Variants in AGRN observed in about 807,000 individuals in gnomAD.
AGRN encodes agrin proteoglycan.
In AGRN, 106 loss-of-function variants were observed where a neutral mutation model predicts 211.0. That is an observed-to-expected ratio of 0.50 (90% CI 0.43 to 0.59). The LOEUF (loss-of-function observed/expected upper bound fraction) is 0.59, where lower values mean the gene tolerates loss of function less well. Among genes scored for constraint, AGRN ranks in the 20% least tolerant of loss-of-function variants. AGRN has a pLI of 0.00. For synonymous variants in AGRN, 1,525 were observed against 1,332.5 expected, an observed-to-expected ratio of 1.14 and a Z score of -3.15; for missense variants, 3,040 against 2,982.6, an observed-to-expected ratio of 1.02 and a Z score of -0.45.
Position 1,051,554 on chromosome 1 carries a change from C to G in AGRN, c.5472C>G (p.His1824Gln). The G allele has an allele frequency of 6.3e-7, 1 of 1,580,644 alleles. No individual in the cohort carries two copies. The highest frequency in any genetic ancestry group is 8.6e-7 in the Non-Finnish European group (1 of 1,162,598). The change falls in exon 32 of 36, where the codon CAC becomes CAG. Residue 1824 changes from histidine (H) to glutamine (Q), a missense_variant. This residue lies in a region of AGRN where 1,537 missense variants were observed against 1,505.0 expected (regional missense o/e 1.02). Coordinates refer to ENST00000379370, the MANE Select transcript of AGRN (RefSeq NM_198576.4). ...AGHPCTRASG[H>Q]PCLNGASCVP... is the part of the protein sequence containing the mutation. ...ACCCCTGCACCCGGGCCTCAGGCCA[C>G]CCCTGCCTCAATGGGGCCTCCTGCG...
rs1327018383 is a variant in AGRN, at chr1:1,048,767, C to G, written c.4106-100C>G. On this transcript the variant is annotated intron_variant, in intron 23 of 35. Coordinates refer to ENST00000379370, the MANE Select transcript of AGRN (RefSeq NM_198576.4). The surrounding 1 kb of genome is among the most constrained non-coding windows in gnomAD (Gnocchi z 5.9). ...GGGCAAAAAGAGCAAAACTCCGTCT[C>G]AAAAAAAAAAAAAAAAAAAAAAGCA... is the stretch of plus-strand genomic sequence containing the variant. 1 of 1,075,966 alleles carries G rather than the reference C, an allele frequency of 9.3e-7. No individual in the cohort carries two copies. Among genetic ancestry groups the G allele is most frequent in the Non-Finnish European group, 1.2e-6 (1 of 814,054 alleles). 66.7% of individuals were successfully genotyped at this position (1,075,966 alleles called of 1,614,324 possible).
chr1:1,044,982 T>A (rs939285893), intron 12 of AGRN, among the ~76,000 whole-genome samples, 179 bp from the exon 13 acceptor site: 19 of 152,320 alleles, frequency 1.2e-4, no homozygotes, highest in Admixed American at 9.8e-4. Context: ...ACAGACATGT[T>A]CTTGCGTAAG....
intron 2 of AGRN, among the ~76,000 whole-genome samples, chr1:1,022,725 C>T (rs1644436582): frequency 1.3e-5 from 2 of 152,270 alleles, no homozygotes; most frequent in Non-Finnish European, 2.9e-5. Flanking sequence ...GCCTCCTCCC[C>T]TCCTCCCAGC....
At chr1:1,042,282 C>A in intron 7 of AGRN, 120 bp downstream of exon 7, 10 of 1,279,290 alleles carry the variant, frequency 7.8e-6, no homozygotes, top group Non-Finnish European at 1.1e-5. Context: ...GTGGGCCGGT[C>A]CCTCTGGGAA....
At chr1:1,027,020 C>T (rs1007653284) in intron 2 of AGRN, among the ~76,000 whole-genome samples, 4 of 152,142 alleles carry the variant, frequency 2.6e-5, no homozygotes, top group South Asian at 2.1e-4. Context: ...GAAGCCCCCC[C>T]GAAGGGGCCT....
chr1:1,044,475 G>A (rs760920802), intron 12 of AGRN, 36 bp downstream of exon 12: 10 of 1,572,838 alleles, frequency 6.4e-6, no homozygotes, highest in Non-Finnish European at 7.8e-6. Flanking sequence ...AGGCACAGGC[G>A]GGGCGGCGTC....
At position 1,043,644 on chromosome 1, in the gene AGRN, C is replaced by T. The variant is rs758511854; in HGVS notation, c.1710C>T (p.Asp570=). The part of the protein sequence containing the change: ...VALAQPVCGS[D]GHTYPSECML... The stretch of plus-strand genomic sequence containing the variant: ...TGGCCCAGCCCGTGTGTGGCTCCGA[C>T]GGGCACACGTACCCCAGCGAGTGCA... Residue 570 remains aspartate, a synonymous_variant, in exon 9 of 36, where the codon GAC becomes GAT. Coordinates refer to ENST00000379370, the MANE Select transcript of AGRN (RefSeq NM_198576.4). 40 of 1,602,156 alleles carry T rather than the reference C, an allele frequency of 2.5e-5. No homozygotes were observed. The highest frequency in any genetic ancestry group is 1.1e-4 in the African/African-American group (8 of 74,908).
Position 1,022,308 on chromosome 1 carries a change from T to C in AGRN, c.309T>C (p.Cys103=). 6.2e-7 allele frequency: 1 copy of C among 1,613,362 alleles called. No homozygotes were observed. ...GCGGCTTTGGAGACCCCCTCATCTGTGACAACCAGGTGTCCACTGGGGACA... is the reference window on the plus strand; with the variant it reads ...GCGGCTTTGGAGACCCCCTCATCTGCGACAACCAGGTGTCCACTGGGGACA... ...VISGFGDPLI[C]DNQVSTGDTR... The change falls in exon 2 of 36, where the codon TGT becomes TGC. Residue 103 remains cysteine (C), a synonymous_variant. Transcript: ENST00000379370.
At chr1:1,020,941 G>A (rs1644388279) in intron 1 of AGRN, among the ~76,000 whole-genome samples, 1 of 151,508 alleles carries the variant, frequency 6.6e-6, no homozygotes, top group Non-Finnish European at 1.5e-5. Context: ...GCGCTCCTGC[G>A]GGAACCGGGG....
intron 2 of AGRN, among the ~76,000 whole-genome samples, chr1:1,026,420 G>T (rs1644522345): frequency 6.6e-6 from 1 of 152,180 alleles, no homozygotes; most frequent in African/African-American, 2.4e-5. Flanking sequence ...AGGGAAGGGG[G>T]TGCCCGTGCC....
rs201563402 is a variant in AGRN, at chr1:1,047,364, C to T, written c.3426C>T (p.Gly1142=). 80 of 1,609,426 alleles carry T rather than the reference C, an allele frequency of 5.0e-5. 1 individual carries two copies. Among genetic ancestry groups the T allele is most frequent in the South Asian group, 4.0e-4 (36 of 90,652 alleles). Residue 1142 remains glycine (G), a synonymous_variant, in exon 20 of 36, where the codon GGC becomes GGT. Transcript: ENST00000379370. ...KVFQGVLELE[G]VEGQELFYTP... Reference sequence around the variant, plus strand: ...TCCAGGGCGTCCTGGAGCTGGAGGGCGTCGAGGGCCAGGAGCTGTTCTACA... The same window carrying T: ...TCCAGGGCGTCCTGGAGCTGGAGGGTGTCGAGGGCCAGGAGCTGTTCTACA...
rs1460660720 is a variant in AGRN, at chr1:1,020,244, G to T, written c.72G>T (p.Leu24=). 1.0e-5 allele frequency: 15 copies of T among 1,453,308 alleles called. No individual in the cohort carries two copies. The highest frequency in any genetic ancestry group is 1.4e-5 in the Non-Finnish European group (15 of 1,103,058). The allele number at this position is 1,453,308 out of a possible 1,614,324, so 90.0% of individuals were successfully genotyped here. A position where few individuals can be genotyped will look rare whatever the true frequency, so the allele number is the denominator to read the frequency against. ...LPLLVVAACV[L]PGAGGTCPER... ...TCCTTGTGGTGGCCGCGTGCGTCCT[G>T]CCCGGAGCCGGCGGGACATGCCCGG... Residue 24 remains leucine (L), a synonymous_variant, in exon 1 of 36, where the codon CTG becomes CTT. Transcript: ENST00000379370.
Position 1,051,745 on chromosome 1 carries a change from G to C in AGRN, c.5581G>C (p.Ala1861Pro), listed in dbSNP as rs756386145. 1 of 1,613,894 alleles carries C rather than the reference G, an allele frequency of 6.2e-7. No homozygotes were observed. Among genetic ancestry groups the C allele is most frequent in the Admixed American group, 1.7e-5 (1 of 60,032 alleles). ...HCEKGLVEKS[A>P]GDVDTLAFDG... The stretch of plus-strand genomic sequence containing the variant: ...TCTCACAGGGCTGGTGGAGAAGTCA[G>C]CGGGGGACGTGGATACCTTGGCCTT... The change falls in exon 33 of 36, where the codon GCG becomes CCG. Residue 1861 changes from alanine (A) to proline (P), a missense_variant. Ala to Pro is a conservative substitution (Grantham distance 27, BLOSUM62 -1). Transcript: ENST00000379370.
In AGRN at chr1:1,041,666, C is replaced by G; in HGVS notation, c.1141C>G (p.Leu381Val). Reference sequence around the variant, plus strand: ...ATCGGGGGCCGCCCGGGGTCTCCTCCTGCAGAAAGTGCGCTCCGGCCAGTG... The same window carrying G: ...ATCGGGGGCCGCCCGGGGTCTCCTCGTGCAGAAAGTGCGCTCCGGCCAGTG... ...GRSGAARGLL[L>V]QKVRSGQCQG... Residue 381 changes from leucine to valine, a missense_variant, in exon 6 of 36, where the codon CTG becomes GTG. Coordinates refer to ENST00000379370, the MANE Select transcript of AGRN (RefSeq NM_198576.4). The G allele has an allele frequency of 6.2e-7, 1 of 1,611,134 alleles. No individual in the cohort carries two copies. Among genetic ancestry groups the G allele is most frequent in the Non-Finnish European group, 8.5e-7 (1 of 1,179,194 alleles).
chr1:1,054,920 C>G lies in AGRN; in HGVS notation c.6077C>G (p.Pro2026Arg). 1 of 1,548,736 alleles carries G rather than the reference C, an allele frequency of 6.5e-7. No homozygotes were observed. The highest frequency in any genetic ancestry group is 8.7e-7 in the Non-Finnish European group (1 of 1,147,176). ...CLRDVVVGRH[P>R]LHLLEDAVTK... is the part of the protein sequence containing the mutation. ...CGGGACGTGGTGGTGGGCCGGCACC[C>G]GCTGCACCTGCTGGAGGACGCCGTC... The change falls in exon 36 of 36, where the codon CCG (proline) becomes CGG (arginine). Residue 2026 changes from proline (P) to arginine (R), a missense_variant. Pro to Arg is a moderately radical substitution (Grantham distance 103, BLOSUM62 -2). This residue lies in a region of AGRN where 1,537 missense variants were observed against 1,505.0 expected (regional missense o/e 1.02). Coordinates refer to ENST00000379370, the MANE Select transcript of AGRN (RefSeq NM_198576.4).
At position 1,053,825 on chromosome 1, in the gene AGRN, G is replaced by A. The variant is rs1296363945; in HGVS notation, c.5724G>A (p.Trp1908Ter). 1.2e-6 allele frequency: 2 copies of A among 1,610,934 alleles called. No homozygotes were observed. The highest frequency in any genetic ancestry group is 1.7e-5 in the Admixed American group (1 of 59,698). ...AGGCCACGCAGGGGCTGGTGCTCTG[G>A]AGTGGCAAGGCCACGGAGCGGGCAG... Reference protein sequence around the residue: ...RTEATQGLVLWSGKATERADY... With the variant: ...RTEATQGLVL The change falls in exon 34 of 36, where the codon TGG becomes TGA. Residue 1908 changes from tryptophan (W) to a stop codon, truncating the protein, a stop_gained. Transcript: ENST00000379370. LOFTEE classifies it high-confidence loss of function.
rs892593064 is a variant in AGRN at position 1,048,660 on chromosome 1, G to A, written c.4106-207G>A. On this transcript the variant is annotated intron_variant, in intron 23 of 35. Transcript: ENST00000379370. The surrounding 1 kb of genome is among the most constrained non-coding windows in gnomAD (Gnocchi z 5.9). The stretch of plus-strand genomic sequence containing the variant: ...TGGTGGGCGCCTGTAATCCCACCTC[G>A]TGAGGCTGAGGCAGGAGAATCGCTT... 24 of 651,302 alleles carry A rather than the reference G, an allele frequency of 3.7e-5. No homozygotes were observed. The highest frequency in any genetic ancestry group is 2.1e-4 in the African/African-American group (11 of 53,116). The allele number at this position is 651,302 out of a possible 1,614,324, so 40.3% of individuals were successfully genotyped here.
At chr1:1,044,543 G>A (rs575439432) in intron 12 of AGRN, 104 bp downstream of exon 12, 34 of 1,189,430 alleles carry the variant, frequency 2.9e-5, no homozygotes, top group Middle Eastern at 2.7e-4. Context: ...CCCTGTGGAC[G>A]TGTGTATTGT....
chr1:1,029,981 ATGTG>A (rs60309678), intron 2 of AGRN, among the ~76,000 whole-genome samples: 7 of 23,954 alleles, frequency 2.9e-4, no homozygotes, highest in Admixed American at 1.3e-3. Flanking sequence ...TGAGATCAGC[ATGTG>A]TGTGTGTGTG....
Sources: allele counts gnomAD v4.1 joint callset (sites outside exome capture counted in the v4.1 genomes callset), GRCh38; gene constraint gnomAD v4.1.1; regional missense constraint gnomAD v4.1.1; non-coding constraint Gnocchi (gnomAD v3.1); transcripts MANE v1.5; gene names NCBI Gene and HGNC (gene_info 2026-07-23, HGNC 2026-07-21).